The following LMX1A variants were observed in gnomAD, a reference collection of about 807,000 sequenced individuals.
The protein encoded by LMX1A is LIM homeobox transcription factor 1 alpha.
Under a neutral mutation model 49.1 loss-of-function variants are expected in LMX1A, and 15 were observed. That is an observed-to-expected ratio of 0.31 (90% CI 0.20 to 0.47). LMX1A has a LOEUF of 0.47. LMX1A is among the 20% of genes least tolerant of loss of function. LMX1A has a pLI of 1.00. For missense variants in LMX1A, 372 were observed against 475.8 expected, an observed-to-expected ratio of 0.78 and a Z score of 2.03; for synonymous variants, 167 against 185.7, an observed-to-expected ratio of 0.90 and a Z score of 0.82.
At chr1:165,278,716 A>T (rs954794867) in intron 3 of LMX1A, among the ~76,000 whole-genome samples, 1 of 152,098 alleles carries the variant, frequency 6.6e-6, no homozygotes, top group African/African-American at 2.4e-5. Flanking sequence ...AATTCAGCAC[A>T]CCCTCTGCTC....
chr1:165,253,865 C>T lies in LMX1A; in HGVS notation c.264-4225G>A, dbSNP rs550838227. ...TCCTCTCGCCCAGTGTGGTTTTTCT[C>T]TCTATGTCTAAACCTCTGGCACATC... On this transcript the variant is annotated intron_variant, in intron 3 of 8. Coordinates refer to ENST00000342310, the MANE Select transcript of LMX1A (RefSeq NM_177398.4). Among the ~76,000 whole-genome samples the T allele has an allele frequency of 2.6e-5, 4 of 152,264 alleles. No homozygotes were observed. The South Asian group carries it at 8.3e-4, about 32-fold the overall frequency.
intron 3 of LMX1A, among the ~76,000 whole-genome samples, chr1:165,349,444 A>G (rs1656347101): frequency 6.6e-6 from 1 of 152,180 alleles, no homozygotes; most frequent in African/African-American, 2.4e-5. Flanking sequence ...AAACATCTAC[A>G]CCTATGGTAT....
At chr1:165,287,888 A>G (rs1053654328) in intron 3 of LMX1A, among the ~76,000 whole-genome samples, 2 of 152,194 alleles carry the variant, frequency 1.3e-5, no homozygotes, top group African/African-American at 4.8e-5. Flanking sequence ...GAATGCTGCT[A>G]TTGTGTAAAT....
At chr1:165,274,530 T>C (rs1332922095) in intron 3 of LMX1A, among the ~76,000 whole-genome samples, 1 of 152,184 alleles carries the variant, frequency 6.6e-6, no homozygotes, top group African/African-American at 2.4e-5. Flanking sequence ...TTCTGAGAGC[T>C]AAGGAATGGC....
chr1:165,205,824 C>G lies in LMX1A; in HGVS notation c.988+40G>C, dbSNP rs772123869. 4 of 1,598,966 alleles carry G rather than the reference C, an allele frequency of 2.5e-6. No homozygotes were observed. The African/African-American group carries it at 5.4e-5, about 21-fold the overall frequency. On this transcript the variant is annotated intron_variant, in intron 8 of 8. Coordinates refer to ENST00000342310, the MANE Select transcript of LMX1A (RefSeq NM_177398.4). ...TTTAGGAGGGAATGAGAAACCCACA[C>G]AAGTTATGAGAGGGCCCGAGGGGCT...
chr1:165,286,342 T>C (rs1276361982), intron 3 of LMX1A, among the ~76,000 whole-genome samples: 1 of 152,130 alleles, frequency 6.6e-6, no homozygotes, highest in East Asian at 1.9e-4. Context: ...ACTGCAGAAA[T>C]CCCACCTGAA....
In LMX1A at chr1:165,310,617, G is replaced by A. The variant is rs531920138; in HGVS notation, c.263+42459C>T. 5.6e-4 allele frequency among the ~76,000 whole-genome samples: 85 copies of A among 152,350 alleles called. 1 individual carries two copies. The highest frequency in any genetic ancestry group is 3.4e-3 in the Middle Eastern group (1 of 294). On this transcript the variant is annotated intron_variant, in intron 3 of 8. Transcript: ENST00000342310. ...AGGCTCATGCATCCAATGGGGTGGA[G>A]ATGCAGATGTTGCCTAGGCACTGTT... is the stretch of plus-strand genomic sequence containing the variant.
At chr1:165,259,994 T>C (rs1004291083) in intron 3 of LMX1A, among the ~76,000 whole-genome samples, 22 of 152,308 alleles carry the variant, frequency 1.4e-4, no homozygotes, top group South Asian at 4.1e-4. Context: ...TGGATTTCAA[T>C]AACTCAAGCC....
Position 165,328,428 on chromosome 1 carries a change from G to A in LMX1A, c.263+24648C>T, listed in dbSNP as rs766322347. ...TACAAGCCCTGCAGTCTGGAAGCAG[G>A]CTTTCTGTTTTACCTCTGCAGCACT... On this transcript the variant is annotated intron_variant, in intron 3 of 8. Coordinates refer to ENST00000342310, the MANE Select transcript of LMX1A (RefSeq NM_177398.4). Among the ~76,000 whole-genome samples the A allele has an allele frequency of 7.9e-5, 12 of 152,328 alleles. No homozygotes were observed. In the South Asian group the frequency reaches 1.5e-3, roughly 18 times the overall value.
intron 3 of LMX1A, among the ~76,000 whole-genome samples, chr1:165,314,303 C>G (rs1007459842): frequency 6.6e-6 from 1 of 152,338 alleles, no homozygotes; most frequent in Middle Eastern, 3.4e-3. Context: ...CTCCTGGAAC[C>G]AGCCTCTATG....
At chr1:165,207,848 A>T (rs1651155292) in intron 7 of LMX1A, among the ~76,000 whole-genome samples, 1 of 152,174 alleles carries the variant, frequency 6.6e-6, no homozygotes, top group African/African-American at 2.4e-5. Context: ...TGCCATCCCC[A>T]ATCAGCAGTT....
intron 3 of LMX1A, among the ~76,000 whole-genome samples, chr1:165,286,462 C>T (rs1216425228): frequency 6.6e-6 from 1 of 152,114 alleles, no homozygotes; most frequent in African/African-American, 2.4e-5. Flanking sequence ...CAACAAAAGA[C>T]CACAGGTTTC....
chr1:165,262,623 C>T (rs531296411), intron 3 of LMX1A, among the ~76,000 whole-genome samples: 1 of 152,334 alleles, frequency 6.6e-6, no homozygotes, highest in African/African-American at 2.4e-5. Context: ...ACACTCCTAT[C>T]AAGGGCTAAC....
chr1:165,271,552 A>G (rs1466554792), intron 3 of LMX1A, among the ~76,000 whole-genome samples: 7 of 152,164 alleles, frequency 4.6e-5, no homozygotes, highest in African/African-American at 1.7e-4. Flanking sequence ...CTATTCCTAT[A>G]GCTAATCGAA....
rs112132127 is a variant in LMX1A at position 165,247,656 on chromosome 1, G to A, written c.496+1752C>T. Among the ~76,000 whole-genome samples the A allele has an allele frequency of 8.2e-4, 125 of 152,264 alleles. 3 individuals are homozygous for A. Among genetic ancestry groups the A allele is most frequent in the African/African-American group, 2.7e-3 (111 of 41,556 alleles). ...CCTGGAGGTAAAGGGAGCCGAACACGGCTGCTACAAAGATGCTAACACTGA... is the reference window on the plus strand; with the variant it reads ...CCTGGAGGTAAAGGGAGCCGAACACAGCTGCTACAAAGATGCTAACACTGA... On this transcript the variant is annotated intron_variant, in intron 4 of 8. Transcript: ENST00000342310.
rs538973022 is a variant in LMX1A, at chr1:165,287,747, T to C, written c.264-38107A>G. On this transcript the variant is annotated intron_variant, in intron 3 of 8. Transcript: ENST00000342310. ...GGGGAAAATTATTCATGTTCCAAGA[T>C]GGCTCTTGGCTTTGCTAAAAAAAAA... Among the ~76,000 whole-genome samples, 5 of 152,314 alleles carry C rather than the reference T, an allele frequency of 3.3e-5. No homozygotes were observed. The South Asian group carries it at 1.0e-3, about 32-fold the overall frequency.
intron 4 of LMX1A, among the ~76,000 whole-genome samples, chr1:165,248,641 C>A (rs936136998): frequency 6.6e-6 from 1 of 152,162 alleles, no homozygotes; most frequent in Non-Finnish European, 1.5e-5. Flanking sequence ...GGAGAAAGAA[C>A]GAAATCATTC....
At chr1:165,283,065 A>G (rs931107019) in intron 3 of LMX1A, among the ~76,000 whole-genome samples, 15 of 152,252 alleles carry the variant, frequency 9.9e-5, no homozygotes, top group Non-Finnish European at 1.9e-4. Context: ...TGCCTCAACT[A>G]TAGTCATATG....
intron 3 of LMX1A, among the ~76,000 whole-genome samples, chr1:165,323,267 T>G (rs923603251): frequency 6.6e-6 from 1 of 152,186 alleles, no homozygotes; most frequent in Non-Finnish European, 1.5e-5. Flanking sequence ...CCATACAAAA[T>G]ATACAGAAAT....
Sources: allele counts gnomAD v4.1 joint callset (sites outside exome capture counted in the v4.1 genomes callset), GRCh38; gene constraint gnomAD v4.1.1; transcripts MANE v1.5; gene names NCBI Gene and HGNC (gene_info 2026-07-23, HGNC 2026-07-21).